The following APPBP2 variants were observed in gnomAD, a reference collection of about 807,000 sequenced individuals.
APPBP2 encodes amyloid protein-binding protein 2.
A neutral mutation model predicts 76.0 loss-of-function variants in APPBP2; 15 were observed. The observed-to-expected ratio is 0.20, with a 90% CI of 0.13 to 0.30. The LOEUF (loss-of-function observed/expected upper bound fraction) is 0.30, where lower values mean the gene tolerates loss of function less well. APPBP2 is among the 10% of genes least tolerant of loss of function. APPBP2 has a pLI of 1.00. For synonymous variants in APPBP2, 222 were observed against 242.2 expected, an observed-to-expected ratio of 0.92 and a Z score of 0.77; for missense variants, 401 against 687.2, an observed-to-expected ratio of 0.58 and a Z score of 4.66.
At position 60,447,536 on chromosome 17, in the gene APPBP2, T is replaced by A; in HGVS notation, c.*45A>T. 2 of 1,553,758 alleles carry A rather than the reference T, an allele frequency of 1.3e-6. No homozygotes were observed. The highest frequency in any genetic ancestry group is 1.7e-6 in the Non-Finnish European group (2 of 1,152,014). ...ATGGTTTTGATTTCACAGTATGAAT[T>A]CCCTGGAATCCGGGAAAAGGTAATT... is the stretch of plus-strand genomic sequence containing the variant. On this transcript the variant is annotated 3_prime_UTR_variant, in exon 13 of 13. Transcript: ENST00000083182.
At position 60,476,861 on chromosome 17, in the gene APPBP2, G is replaced by A. The variant is rs539397984; in HGVS notation, c.503+2287C>T. Among the ~76,000 whole-genome samples, 10 of 152,268 alleles carry A rather than the reference G, an allele frequency of 6.6e-5. No individual in the cohort carries two copies. The East Asian group carries it at 1.9e-3, about 29-fold the overall frequency. On this transcript the variant is annotated intron_variant, in intron 4 of 12. Coordinates refer to ENST00000083182, the MANE Select transcript of APPBP2 (RefSeq NM_006380.5). Reference sequence around the variant, plus strand: ...CCCAAAGTGCTAGGATTACAGTCGTGAGCCACTGCACCCAGCCAGTTATCT... The same window carrying A: ...CCCAAAGTGCTAGGATTACAGTCGTAAGCCACTGCACCCAGCCAGTTATCT...
chr17:60,514,418 C>T (rs897060959), intron 1 of APPBP2, among the ~76,000 whole-genome samples: 1 of 152,150 alleles, frequency 6.6e-6, no homozygotes, highest in Non-Finnish European at 1.5e-5. Context: ...CCAGCCTGGA[C>T]AACAGAGCCA....
In APPBP2 at chr17:60,495,442, A is replaced by T. The variant is rs1303299006; in HGVS notation, c.228-825T>A. ...TTTAAAAATATTTTATTTATTTATTATTTATTTATTTATTTATTTATTTAT... is the reference window on the plus strand; with the variant it reads ...TTTAAAAATATTTTATTTATTTATTTTTTATTTATTTATTTATTTATTTAT... On this transcript the variant is annotated intron_variant, in intron 2 of 12. Coordinates refer to ENST00000083182, the MANE Select transcript of APPBP2 (RefSeq NM_006380.5). Among the ~76,000 whole-genome samples, 117 of 12,064 alleles carry T rather than the reference A, an allele frequency of 9.7e-3. 1 individual carries two copies. The highest frequency in any genetic ancestry group is 0.021 in the African/African-American group (103 of 5,020). 7.9% of individuals were successfully genotyped at this position (12,064 alleles called of 152,430 possible).
At chr17:60,458,117 G>A (rs1189700747) in intron 9 of APPBP2, among the ~76,000 whole-genome samples, 1 of 152,102 alleles carries the variant, frequency 6.6e-6, no homozygotes, top group Non-Finnish European at 1.5e-5. Flanking sequence ...CCATGCTGTA[G>A]CATGTAACAG....
chr17:60,457,791 A>G (rs2090442626), intron 9 of APPBP2, among the ~76,000 whole-genome samples: 1 of 152,188 alleles, frequency 6.6e-6, no homozygotes, highest in Non-Finnish European at 1.5e-5. Context: ...TTATTTTTAT[A>G]ACAGCTCAAG....
At chr17:60,463,312 T>C (rs1271417762) in intron 6 of APPBP2, among the ~76,000 whole-genome samples, 1 of 152,140 alleles carries the variant, frequency 6.6e-6, no homozygotes, top group Non-Finnish European at 1.5e-5. Flanking sequence ...AGTTTTAAAA[T>C]ACTACTAAAT....
In APPBP2 at chr17:60,445,513, T is replaced by C. The variant is rs894554813; in HGVS notation, c.*2068A>G. ...GAAAAACAATTTACCATGACATTCC[T>C]ATACCACAAACATACCACTGGATTC... On this transcript the variant is annotated 3_prime_UTR_variant, in exon 13 of 13. Transcript: ENST00000083182. The C allele has an allele frequency of 9.8e-5, 15 of 152,626 alleles. No individual in the cohort carries two copies. The highest frequency in any genetic ancestry group is 2.2e-4 in the Non-Finnish European group (15 of 68,042). 9.5% of individuals were successfully genotyped at this position (152,626 alleles called of 1,614,324 possible).
intron 1 of APPBP2, among the ~76,000 whole-genome samples, chr17:60,505,346 C>T (rs973152532): frequency 5.9e-5 from 9 of 152,250 alleles, no homozygotes; most frequent in Non-Finnish European, 1.2e-4. Context: ...GACGGAGTCT[C>T]GCTCTGTCGC....
intron 1 of APPBP2, among the ~76,000 whole-genome samples, chr17:60,523,708 T>C (rs911521674): frequency 6.6e-6 from 1 of 152,080 alleles, no homozygotes; most frequent in Admixed American, 6.6e-5. Flanking sequence ...TTCTTACATC[T>C]CCATTAAAGA....
chr17:60,467,308 G>A (rs1004524389), intron 4 of APPBP2, among the ~76,000 whole-genome samples: 1 of 152,134 alleles, frequency 6.6e-6, no homozygotes, highest in African/African-American at 2.4e-5. Context: ...GTATTCCTCA[G>A]GAGCATCAAA....
intron 12 of APPBP2, 92 bp downstream of exon 12, chr17:60,451,788 T>C: frequency 8.4e-7 from 1 of 1,195,810 alleles, no homozygotes; most frequent in Non-Finnish European, 1.2e-6. Context: ...CCCATTTAAG[T>C]CTTTAATAAC....
chr17:60,475,359 C>T (rs548380584), intron 4 of APPBP2, among the ~76,000 whole-genome samples: 1 of 152,300 alleles, frequency 6.6e-6, no homozygotes, highest in African/African-American at 2.4e-5. Flanking sequence ...CCTGCCTTGG[C>T]CTCCCAAAGT....
At chr17:60,497,096 T>C (rs1192340205) in intron 2 of APPBP2, among the ~76,000 whole-genome samples, 1 of 152,178 alleles carries the variant, frequency 6.6e-6, no homozygotes, top group Non-Finnish European at 1.5e-5. Flanking sequence ...TGGATCCTAC[T>C]CACTGCTATG....
intron 5 of APPBP2, 116 bp downstream of exon 5, chr17:60,466,175 T>A (rs1303615448): frequency 1.2e-5 from 13 of 1,047,452 alleles, no homozygotes; most frequent in Non-Finnish European, 1.8e-5. Flanking sequence ...TACTGCCTTA[T>A]ATAAACCTAA....
chr17:60,458,209 A>C (rs565424188), intron 9 of APPBP2, among the ~76,000 whole-genome samples: 4 of 152,276 alleles, frequency 2.6e-5, no homozygotes, highest in Admixed American at 2.6e-4. Context: ...CAAGGGGGGC[A>C]GATCACTTGA....
chr17:60,491,295 G>C (rs1371738036), intron 3 of APPBP2, among the ~76,000 whole-genome samples: 3 of 152,208 alleles, frequency 2.0e-5, no homozygotes, highest in Non-Finnish European at 4.4e-5. Flanking sequence ...CCCTGCCTCA[G>C]AGATGTGTGG....
intron 4 of APPBP2, 90 bp from the exon 5 acceptor site, chr17:60,466,549 G>A (rs2090513115): frequency 7.9e-7 from 1 of 1,262,830 alleles, no homozygotes; most frequent in African/African-American, 1.5e-5. Context: ...ATGACTTAAG[G>A]TAATTAAATA....
chr17:60,506,601 G>C (rs1436386139), intron 1 of APPBP2, among the ~76,000 whole-genome samples: 2 of 152,124 alleles, frequency 1.3e-5, no homozygotes, highest in African/African-American at 2.4e-5. Context: ...AGACATGCAT[G>C]CATTCACTTA....
chr17:60,526,037 G>A lies in APPBP2; in HGVS notation c.-106C>T, dbSNP rs949700727. 8.4e-7 allele frequency: 1 copy of A among 1,191,538 alleles called. No individual in the cohort carries two copies. The highest frequency in any genetic ancestry group is 2.7e-5 in the Admixed American group (1 of 37,506). 73.8% of individuals were successfully genotyped at this position (1,191,538 alleles called of 1,614,324 possible). Reference sequence around the variant, plus strand: ...CCCCGGAGGATTCGGAGGGGCGGTGGCAGCCACGCGGGCGCACGGCAGAAG... The same window carrying A: ...CCCCGGAGGATTCGGAGGGGCGGTGACAGCCACGCGGGCGCACGGCAGAAG... On this transcript the variant is annotated 5_prime_UTR_variant, in exon 1 of 13. Coordinates refer to ENST00000083182, the MANE Select transcript of APPBP2 (RefSeq NM_006380.5).
Sources: allele counts gnomAD v4.1 joint callset (sites outside exome capture counted in the v4.1 genomes callset), GRCh38; gene constraint gnomAD v4.1.1; transcripts MANE v1.5; gene names NCBI Gene and HGNC (gene_info 2026-07-23, HGNC 2026-07-21).